The following ZCCHC2 variants were observed in gnomAD, a reference collection of about 807,000 sequenced individuals.
ZCCHC2 encodes zinc finger CCHC domain-containing protein 2.
In ZCCHC2, 39 loss-of-function variants were observed where a neutral mutation model predicts 103.6. That is an observed-to-expected ratio of 0.38 (90% CI 0.29 to 0.49). ZCCHC2 has a LOEUF of 0.49. ZCCHC2 is among the 20% of genes least tolerant of loss of function. ZCCHC2 has a pLI of 0.96. For synonymous variants in ZCCHC2, 687 were observed against 608.9 expected, an observed-to-expected ratio of 1.13 and a Z score of -1.89; for missense variants, 1,483 against 1,491.0, an observed-to-expected ratio of 0.99 and a Z score of 0.09.
chr18:62,539,551 G>A, intron 1 of ZCCHC2, 130 bp from the exon 2 acceptor site: 3 of 629,746 alleles, frequency 4.8e-6, no homozygotes, highest in Non-Finnish European at 8.4e-6. Context: ...TGCCCATAGT[G>A]TGCAGTCACC....
At chr18:62,528,728 T>G (rs1221792913) in intron 1 of ZCCHC2, among the ~76,000 whole-genome samples, 5 of 152,196 alleles carry the variant, frequency 3.3e-5, no homozygotes, top group Non-Finnish European at 7.3e-5. Flanking sequence ...TTAAAAGAGT[T>G]TTAACATCAA....
chr18:62,529,893 T>C (rs1189882249), intron 1 of ZCCHC2, among the ~76,000 whole-genome samples: 1 of 152,230 alleles, frequency 6.6e-6, no homozygotes, highest in African/African-American at 2.4e-5. Flanking sequence ...ATTGCACGTG[T>C]ACTGAACACG....
chr18:62,524,671 A>G, intron 1 of ZCCHC2: 1 of 395,018 alleles, frequency 2.5e-6, no homozygotes, highest in East Asian at 4.1e-5. Context: ...CCCCTCTCGG[A>G]GGAAAAGTGT....
At chr18:62,526,016 C>T (rs1183788509) in intron 1 of ZCCHC2, 1 of 152,164 alleles carries the variant, frequency 6.6e-6, no homozygotes, top group African/African-American at 2.4e-5. Context: ...TCATATCATT[C>T]CATTCATACT....
At chr18:62,531,408 C>T (rs899735972) in intron 1 of ZCCHC2, among the ~76,000 whole-genome samples, 26 of 152,216 alleles carry the variant, frequency 1.7e-4, no homozygotes, top group African/African-American at 4.3e-4. Flanking sequence ...GTTTTGTGCT[C>T]ATTCAATAAG....
At chr18:62,560,547 C>T in intron 7 of ZCCHC2, 40 bp from the exon 8 acceptor site, 1 of 1,572,622 alleles carries the variant, frequency 6.4e-7, no homozygotes, top group Non-Finnish European at 8.7e-7. Flanking sequence ...GTTTTTGCTG[C>T]AGCATTTAGT....
intron 1 of ZCCHC2, among the ~76,000 whole-genome samples, chr18:62,528,556 G>T (rs1166211499): frequency 6.7e-6 from 1 of 148,512 alleles, no homozygotes; most frequent in African/African-American, 2.5e-5. Context: ...CCGAGGTGGC[G>T]CCACTGCACT....
chr18:62,525,641 C>G (rs1186025610), intron 1 of ZCCHC2: 2 of 152,082 alleles, frequency 1.3e-5, no homozygotes, highest in Non-Finnish European at 2.9e-5. Flanking sequence ...ATAATCTAGC[C>G]TGAACCCCTT....
At chr18:62,542,421 T>C (rs1915235681) in intron 2 of ZCCHC2, 77 bp from the exon 3 acceptor site, 1 of 1,151,194 alleles carries the variant, frequency 8.7e-7, no homozygotes, top group Admixed American at 2.3e-5. Flanking sequence ...CTTGTCAACT[T>C]TTAGGGTTAC....
chr18:62,544,723 T>A (rs2145500514), intron 3 of ZCCHC2, 79 bp from the exon 4 acceptor site: 1 of 1,212,026 alleles, frequency 8.3e-7, no homozygotes, highest in African/African-American at 1.6e-5. Context: ...TAAGGCCCTT[T>A]GTTTTTGCAC....
rs192098741 is a variant in ZCCHC2, at chr18:62,568,663, T to G, written c.1847-1440T>G. ...CTTTGAACTATAGTCTACTGTAGTT[T>G]CACTGTCTGCATCATTTTGATGAAC... On this transcript the variant is annotated intron_variant, in intron 11 of 13. Coordinates refer to ENST00000269499, the MANE Select transcript of ZCCHC2 (RefSeq NM_017742.6). 2.7e-3 allele frequency among the ~76,000 whole-genome samples: 406 copies of G among 152,324 alleles called. 1 individual carries two copies. Among genetic ancestry groups the G allele is most frequent in the Non-Finnish European group, 4.5e-3 (303 of 68,026 alleles).
chr18:62,525,145 G>A (rs1914317329), intron 1 of ZCCHC2: 1 of 152,208 alleles, frequency 6.6e-6, no homozygotes, highest in Admixed American at 6.5e-5. Context: ...TTGGGGTTCC[G>A]GGATATTTGT....
At chr18:62,531,941 A>G (rs1045585583) in intron 1 of ZCCHC2, among the ~76,000 whole-genome samples, 1 of 152,180 alleles carries the variant, frequency 6.6e-6, no homozygotes. Context: ...CTGTGGTGGT[A>G]CCACTGCACT....
chr18:62,524,171 C>T lies in ZCCHC2; in HGVS notation c.747C>T (p.Gly249=). Residue 249 remains glycine (G), a synonymous_variant, in exon 1 of 14, where the codon GGC becomes GGT. Transcript: ENST00000269499. ...GCATTGTGGAGCCCCGGGTCGGCGGCGGGCTTGGCTCCAGGGCCCAGGAGG... is the reference window on the plus strand; with the variant it reads ...GCATTGTGGAGCCCCGGGTCGGCGGTGGGCTTGGCTCCAGGGCCCAGGAGG... The part of the protein sequence containing the change: ...EGGIVEPRVG[G]GLGSRAQEEL... 6.5e-7 allele frequency: 1 copy of T among 1,546,954 alleles called. No homozygotes were observed. Among genetic ancestry groups the T allele is most frequent in the Non-Finnish European group, 8.7e-7 (1 of 1,146,008 alleles).
intron 12 of ZCCHC2, among the ~76,000 whole-genome samples, chr18:62,572,318 G>A (rs890698028): frequency 6.6e-6 from 1 of 152,176 alleles, no homozygotes; most frequent in Non-Finnish European, 1.5e-5. Flanking sequence ...GTGACTCTGT[G>A]GCTCACACTG....
chr18:62,529,109 G>A (rs1355839025), intron 1 of ZCCHC2, among the ~76,000 whole-genome samples: 1 of 136,316 alleles, frequency 7.3e-6, no homozygotes, highest in Non-Finnish European at 1.5e-5. Context: ...GTAGTCAGCC[G>A]AGATCACGCC....
At chr18:62,530,075 T>G (rs539240050) in intron 1 of ZCCHC2, among the ~76,000 whole-genome samples, 5 of 152,272 alleles carry the variant, frequency 3.3e-5, no homozygotes, top group African/African-American at 1.2e-4. Flanking sequence ...CACTCTTGGA[T>G]TTTGGTATTG....
chr18:62,584,260 C>T (rs1290548600), intron 14 of ZCCHC2, among the ~76,000 whole-genome samples: 1 of 152,066 alleles, frequency 6.6e-6, no homozygotes, highest in African/African-American at 2.4e-5. Flanking sequence ...GTAATGGGGG[C>T]ACATCACACG....
chr18:62,550,335 T>G lies in ZCCHC2; in HGVS notation c.1201-13T>G. 6.3e-7 allele frequency: 1 copy of G among 1,598,500 alleles called. No individual in the cohort carries two copies. ...GAAACTTAACATTGGATATTGTGGT[T>G]TTTCTTTTCTAGCTTCCAAAGGAAC... On this transcript the variant is annotated splice_polypyrimidine_tract_variant and intron_variant, in intron 4 of 13. Transcript: ENST00000269499.
Sources: allele counts gnomAD v4.1 joint callset (sites outside exome capture counted in the v4.1 genomes callset), GRCh38; gene constraint gnomAD v4.1.1; transcripts MANE v1.5; gene names NCBI Gene and HGNC (gene_info 2026-07-23, HGNC 2026-07-21).